Variants in CENPK observed in about 807,000 individuals in gnomAD.
The protein encoded by CENPK is centromere protein K.
Under a neutral mutation model 40.9 loss-of-function variants are expected in CENPK, and 46 were observed. That is an observed-to-expected ratio of 1.13 (90% CI 0.89 to 1.44). The LOEUF (loss-of-function observed/expected upper bound fraction) is 1.44, where lower values mean the gene tolerates loss of function less well. Among genes scored for constraint, CENPK ranks in the 40% most tolerant of loss-of-function variants. The pLI, the probability that CENPK is intolerant of heterozygous loss-of-function variation, is 0.00. For synonymous variants in CENPK, 107 were observed against 104.4 expected (o/e 1.02, Z -0.15); for missense variants, 288 against 303.5 (o/e 0.95, Z 0.38).
chr5:65,532,201 C>T (rs1046234911), intron 6 of CENPK, among the ~76,000 whole-genome samples: 1 of 152,144 alleles, frequency 6.6e-6, no homozygotes, highest in Non-Finnish European at 1.5e-5. Context: ...AGAAATATGA[C>T]TGGCTCCAGA....
chr5:65,505,034 T>C, the CENPK span, among the ~76,000 whole-genome samples: 1 of 152,208 alleles, frequency 6.6e-6, no homozygotes, highest in South Asian at 2.1e-4. Context: ...GTATAACCAA[T>C]CCTCTGCCTT....
intron 6 of CENPK, among the ~76,000 whole-genome samples, chr5:65,535,789 T>C (rs1024127271): frequency 6.6e-6 from 1 of 152,158 alleles, no homozygotes; most frequent in African/African-American, 2.4e-5. Context: ...CCACAAATCA[T>C]TGCACCTGAG....
At chr5:65,553,714 A>T (rs780148254) in intron 3 of CENPK, among the ~76,000 whole-genome samples, 3 of 152,066 alleles carry the variant, frequency 2.0e-5, no homozygotes, top group Non-Finnish European at 4.4e-5. Flanking sequence ...AATCCTACCT[A>T]CTTATCTTTG....
chr5:65,543,195 C>T (rs141937493), intron 5 of CENPK, among the ~76,000 whole-genome samples: 124 of 152,288 alleles, frequency 8.1e-4, no homozygotes, highest in African/African-American at 2.7e-3. Flanking sequence ...AACTCCTGAC[C>T]TCAAGTGATC....
Position 65,528,527 on chromosome 5 carries a change from C to T in CENPK, c.522G>A (p.Glu174=). The T allele has an allele frequency of 6.2e-7, 1 of 1,602,134 alleles. No individual in the cohort carries two copies. The highest frequency in any genetic ancestry group is 8.5e-7 in the Non-Finnish European group (1 of 1,176,192). Residue 174 remains glutamate (E), a synonymous_variant, in exon 9 of 11, where the codon GAG becomes GAA. Transcript: ENST00000396679. ...ACTCGCCCAAGGTACTCAAGAGTTT[C>T]TCCTTATATTCTTTTATATTAAGCA... ...TKMLNIKEYK[E]KLLSTLGEFL...
downstream of CENPK, among the ~76,000 whole-genome samples, chr5:65,516,710 G>T (rs1398069021): frequency 7.0e-6 from 1 of 142,178 alleles, no homozygotes; most frequent in Non-Finnish European, 1.6e-5. Flanking sequence ...TAAAAAAAAA[G>T]CAAGATTCCA....
chr5:65,514,990 T>C (rs1291949649), downstream of CENPK, among the ~76,000 whole-genome samples: 1 of 152,186 alleles, frequency 6.6e-6, no homozygotes, highest in African/African-American at 2.4e-5. Context: ...TAACTTTTCA[T>C]TGAATTTCAT....
At chr5:65,501,207 T>C in the CENPK span, among the ~76,000 whole-genome samples, 1 of 119,360 alleles carries the variant, frequency 8.4e-6, no homozygotes, top group Non-Finnish European at 1.6e-5. Flanking sequence ...TGAGACAGAG[T>C]CTCGCTCTGT....
intron 6 of CENPK, among the ~76,000 whole-genome samples, chr5:65,541,793 C>T (rs1190274654): frequency 3.3e-5 from 5 of 152,222 alleles, no homozygotes; most frequent in Non-Finnish European, 7.3e-5. Context: ...CACCCAGTTT[C>T]AAAGGTGCTT....
intron 5 of CENPK, among the ~76,000 whole-genome samples, chr5:65,545,565 G>A (rs1342414926): frequency 2.0e-5 from 3 of 152,014 alleles, no homozygotes; most frequent in East Asian, 1.9e-4. Flanking sequence ...GAAAAACTAC[G>A]ACAATTTGTC....
chr5:65,531,995 T>G (rs572833581), intron 6 of CENPK, among the ~76,000 whole-genome samples: 3 of 152,220 alleles, frequency 2.0e-5, no homozygotes, highest in Non-Finnish European at 4.4e-5. Context: ...TTTGAGAAGG[T>G]CAATAAAATT....
chr5:65,540,219 C>T (rs1337226650), intron 6 of CENPK, among the ~76,000 whole-genome samples: 6 of 152,154 alleles, frequency 3.9e-5, no homozygotes, highest in Non-Finnish European at 2.9e-5. Flanking sequence ...CCACATTTTA[C>T]TATACAGTCA....
intron 9 of CENPK, among the ~76,000 whole-genome samples, chr5:65,527,562 T>G (rs1744952640): frequency 1.5e-5 from 2 of 131,328 alleles, no homozygotes; most frequent in African/African-American, 5.8e-5. Flanking sequence ...TATGAACTGT[T>G]CACAATCTTC....
At position 65,524,848 on chromosome 5, in the gene CENPK, A is replaced by T. The variant is rs367565727; in HGVS notation, c.598-3320T>A. Among the ~76,000 whole-genome samples the T allele has an allele frequency of 1.7e-3, 256 of 152,324 alleles. 2 individuals carry two copies. Among genetic ancestry groups the T allele is most frequent in the Middle Eastern group, 0.014 (4 of 294 alleles). On this transcript the variant is annotated intron_variant, in intron 9 of 10. Coordinates refer to ENST00000396679, the MANE Select transcript of CENPK (RefSeq NM_022145.5). ...TAGAAATAAGGGTATAGGAAAAAGAATGTTAATTTTCTTATCTTTTACAGC... is the reference window on the plus strand; with the variant it reads ...TAGAAATAAGGGTATAGGAAAAAGATTGTTAATTTTCTTATCTTTTACAGC...
chr5:65,544,626 A>G (rs761949992), intron 5 of CENPK, among the ~76,000 whole-genome samples: 1 of 152,232 alleles, frequency 6.6e-6, no homozygotes, highest in Non-Finnish European at 1.5e-5. Context: ...TTATGAAGCA[A>G]CCGAAGTTTC....
chr5:65,508,431 C>A, the CENPK span, among the ~76,000 whole-genome samples: 1 of 152,136 alleles, frequency 6.6e-6, no homozygotes. Context: ...AAAACTATCT[C>A]CTTATAACAT....
intron 9 of CENPK, among the ~76,000 whole-genome samples, chr5:65,527,220 G>A (rs1204160801): frequency 2.6e-5 from 4 of 151,976 alleles, no homozygotes; most frequent in South Asian, 2.1e-4. Context: ...TCACCAGATC[G>A]GAAGGGTTTT....
rs1353680059 is a variant in CENPK, at chr5:65,517,859, TC to T, written c.*615del. The T allele has an allele frequency of 6.6e-6, 1 of 152,024 alleles. No individual in the cohort carries two copies. Among genetic ancestry groups the T allele is most frequent in the Non-Finnish European group, 1.5e-5 (1 of 67,930 alleles). The allele number at this position is 152,024 out of a possible 1,614,324, so 9.4% of individuals were successfully genotyped here. On this transcript the variant is annotated 3_prime_UTR_variant, in exon 11 of 11. Coordinates refer to ENST00000396679, the MANE Select transcript of CENPK (RefSeq NM_022145.5). The stretch of plus-strand genomic sequence containing the variant: ...ATTTTGTTGGTAATAATTAGCAGAA[TC>T]AAGAGTAGATTAATATATAAGGTAA...
chr5:65,499,665 T>TTA, the CENPK span, among the ~76,000 whole-genome samples: 25 of 94,244 alleles, frequency 2.7e-4, no homozygotes, highest in East Asian at 1.5e-3. Flanking sequence ...TTTTTTTTTT[T>TTA]AATTTTTTTT....
Sources: gnomAD v4.1 joint callset for allele counts (sites outside exome capture counted in the v4.1 genomes callset) on GRCh38, gnomAD v4.1.1 for gene constraint, MANE v1.5 for transcripts, NCBI Gene and HGNC (gene_info 2026-07-23, HGNC 2026-07-21) for gene names.